SMAD5: variants seen among roughly 807,000 people sequenced by gnomAD.
The protein encoded by SMAD5 is SMAD family member 5, also known as MAD, mothers against decapentaplegic homolog 5.
Under a neutral mutation model 43.1 loss-of-function variants are expected in SMAD5, and 9 were observed. That is an observed-to-expected ratio of 0.21 (90% CI 0.13 to 0.36). SMAD5 has a LOEUF of 0.36. Ranked by LOEUF, SMAD5 falls within the 10% of genes least tolerant of loss-of-function variation. The pLI is 1.00. For synonymous variants in SMAD5, 190 were observed against 192.4 expected (o/e 0.99, Z 0.10); for missense variants, 348 against 574.0 (o/e 0.61, Z 4.02).
rs1406779737 is a variant in SMAD5 at position 136,172,644 on chromosome 5, A to G, written c.986A>G (p.His329Arg). Residue 329 changes from histidine to arginine, a missense_variant, in exon 6 of 8, where the codon CAT becomes CGT. By Grantham distance (29) the His-to-Arg change is conservative (BLOSUM62 0). Coordinates refer to ENST00000545279, the MANE Select transcript of SMAD5 (RefSeq NM_005903.7). ...RNSTIENTRRHIGKGVHLYYV... is the reference protein window; with the variant it reads ...RNSTIENTRRRIGKGVHLYYV... ...TCGACAATTGAAAACACTAGGCGAC[A>G]TATTGGAAAAGGTAATCTTGTCATT... 2.5e-6 allele frequency: 4 copies of G among 1,593,696 alleles called. No homozygotes were observed.
intron 5 of SMAD5, among the ~76,000 whole-genome samples, chr5:136,164,396 TA>T (rs1056259386): frequency 1.3e-5 from 2 of 152,208 alleles, no homozygotes; most frequent in Non-Finnish European, 2.9e-5. Context: ...TGCATCCTCC[TA>T]ACACCTGTTA....
rs529449228 is a variant in SMAD5, at chr5:136,168,131, G to A, written c.776-4303G>A. Among the ~76,000 whole-genome samples the A allele has an allele frequency of 5.6e-4, 85 of 152,118 alleles. 1 individual carries two copies. The highest frequency in any genetic ancestry group is 3.8e-4 in the Non-Finnish European group (26 of 68,008). ...GCTGGGATTACCGGTGTGAGCCACC[G>A]CACCCAGCCATATTCCTGCCTTTTT... On this transcript the variant is annotated intron_variant, in intron 5 of 7. Coordinates refer to ENST00000545279, the MANE Select transcript of SMAD5 (RefSeq NM_005903.7).
chr5:136,150,258 C>T (rs1753410349), intron 2 of SMAD5, among the ~76,000 whole-genome samples: 1 of 151,688 alleles, frequency 6.6e-6, no homozygotes, highest in South Asian at 2.1e-4. Context: ...TGGAGTTTAC[C>T]ACCATTTCTA....
rs762275159 is a variant in SMAD5 at position 136,160,967 on chromosome 5, C to G, written c.515C>G (p.Thr172Arg). ...HNEPHMPQNA[T>R]FPDSFHQPNN... ...GAACCACACATGCCACAAAATGCCA[C>G]GTTTCCAGATTCTTTCCACCAGCCC... Residue 172 changes from threonine (T) to arginine (R), a missense_variant, in exon 4 of 8, where the codon ACG becomes AGG. Transcript: ENST00000545279. 12 of 1,613,816 alleles carry G rather than the reference C, an allele frequency of 7.4e-6. No homozygotes were observed. The South Asian group carries it at 7.7e-5, about 10-fold the overall frequency.
rs1754604913 is a variant in SMAD5, at chr5:136,180,939, TC to T, written c.*3461del. 1 of 152,164 alleles carries T rather than the reference TC, an allele frequency of 6.6e-6. No homozygotes were observed. The highest frequency in any genetic ancestry group is 2.1e-4 in the South Asian group (1 of 4,832). 9.4% of individuals were successfully genotyped at this position (152,164 alleles called of 1,614,324 possible). On this transcript the variant is annotated 3_prime_UTR_variant, in exon 8 of 8. Coordinates refer to ENST00000545279, the MANE Select transcript of SMAD5 (RefSeq NM_005903.7). The stretch of plus-strand genomic sequence containing the variant: ...GAACTGGGGTTCATGTTAAAAACCT[TC>T]CATATTACCTGAGGGTACCTGTGGG...
intron 4 of SMAD5, among the ~76,000 whole-genome samples, chr5:136,162,042 T>G (rs1488951482): frequency 6.6e-6 from 1 of 152,196 alleles, no homozygotes. Flanking sequence ...AAAACAAGAC[T>G]GTTATTTACT....
intron 1 of SMAD5, among the ~76,000 whole-genome samples, chr5:136,137,838 A>G (rs1264493804): frequency 6.6e-6 from 1 of 152,218 alleles, no homozygotes; most frequent in Non-Finnish European, 1.5e-5. Flanking sequence ...TCTACTAAGC[A>G]GGGAACTTGA....
chr5:136,156,881 A>G (rs1198481833), intron 3 of SMAD5, among the ~76,000 whole-genome samples: 1 of 152,232 alleles, frequency 6.6e-6, no homozygotes, highest in Non-Finnish European at 1.5e-5. Flanking sequence ...AAGAGACTAT[A>G]GAGACCTCAT....
intron 4 of SMAD5, among the ~76,000 whole-genome samples, chr5:136,161,621 G>A (rs998536174): frequency 1.3e-5 from 2 of 152,186 alleles, no homozygotes; most frequent in Non-Finnish European, 2.9e-5. Context: ...AAGTTAAAAT[G>A]AATCCTGGTT....
intron 5 of SMAD5, among the ~76,000 whole-genome samples, chr5:136,171,034 A>C (rs1005901786): frequency 3.9e-5 from 6 of 152,120 alleles, no homozygotes; most frequent in African/African-American, 1.4e-4. Context: ...CTCCTTTCCT[A>C]TCTGTGTACC....
intron 1 of SMAD5, among the ~76,000 whole-genome samples, chr5:136,135,640 A>G (rs577220551): frequency 6.6e-6 from 1 of 152,298 alleles, no homozygotes; most frequent in South Asian, 2.1e-4. Flanking sequence ...TTTTAATATT[A>G]CTAGTACTTT....
rs1373426481 is a variant in SMAD5 at position 136,179,170 on chromosome 5, C to T, written c.*1690C>T. 1 of 152,358 alleles carries T rather than the reference C, an allele frequency of 6.6e-6. No homozygotes were observed. Among genetic ancestry groups the T allele is most frequent in the Non-Finnish European group, 1.5e-5 (1 of 68,024 alleles). The allele number at this position is 152,358 out of a possible 1,614,324, so 9.4% of individuals were successfully genotyped here. On this transcript the variant is annotated 3_prime_UTR_variant, in exon 8 of 8. Transcript: ENST00000545279. The stretch of plus-strand genomic sequence containing the variant: ...TTATGTGGAAGCTAGTCTCCCAAAA[C>T]ACAATCTTTAGAGAGAAAAGACATG...
chr5:136,172,711 A>G (rs527501311), intron 6 of SMAD5, 56 bp downstream of exon 6: 3 of 1,190,300 alleles, frequency 2.5e-6, no homozygotes, highest in Non-Finnish European at 3.8e-6. Context: ...TGTACTTGCC[A>G]TGAACCATGC....
In SMAD5 at chr5:136,182,530, G is replaced by T. The variant is rs1211436267; in HGVS notation, c.*5050G>T. 6.6e-6 allele frequency: 1 copy of T among 152,584 alleles called. No individual in the cohort carries two copies. The highest frequency in any genetic ancestry group is 2.4e-5 in the African/African-American group (1 of 41,440). 9.5% of individuals were successfully genotyped at this position (152,584 alleles called of 1,614,324 possible). On this transcript the variant is annotated 3_prime_UTR_variant, in exon 8 of 8. Coordinates refer to ENST00000545279, the MANE Select transcript of SMAD5 (RefSeq NM_005903.7). ...GACCAAGCTAGTGGCTGCACTGTAG[G>T]TCTGCTGCTTATTTGTATTTGTTGT... is the stretch of plus-strand genomic sequence containing the variant.
Position 136,172,009 on chromosome 5 carries a change from C to T in SMAD5, c.776-425C>T, listed in dbSNP as rs184124751. Among the ~76,000 whole-genome samples, 25 of 152,270 alleles carry T rather than the reference C, an allele frequency of 1.6e-4. 1 individual carries two copies. In the Middle Eastern group the frequency reaches 0.017, roughly 104 times the overall value. The stretch of plus-strand genomic sequence containing the variant: ...AAAGAAACAGATCTTTCTCTAAGAG[C>T]ATGCACTGAGGAGGGGCCATATGAG... On this transcript the variant is annotated intron_variant, in intron 5 of 7. Coordinates refer to ENST00000545279, the MANE Select transcript of SMAD5 (RefSeq NM_005903.7).
Position 136,174,668 on chromosome 5 carries a change from T to A in SMAD5, c.1254+36T>A, listed in dbSNP as rs751807221. On this transcript the variant is annotated intron_variant, in intron 7 of 7. Transcript: ENST00000545279. Reference sequence around the variant, plus strand: ...ACCTCTAACATAATTTGAGTCACTATAAATGTGTATATTATGACTTTAGGT... The same window carrying A: ...ACCTCTAACATAATTTGAGTCACTAAAAATGTGTATATTATGACTTTAGGT... The A allele has an allele frequency of 3.3e-5, 48 of 1,454,466 alleles. 1 individual carries two copies. The Middle Eastern group carries it at 7.1e-4, about 21-fold the overall frequency. The allele number at this position is 1,454,466 out of a possible 1,614,324, so 90.1% of individuals were successfully genotyped here. A position where few individuals can be genotyped will look rare whatever the true frequency, so the allele number is the denominator to read the frequency against.
intron 5 of SMAD5, 27 bp downstream of exon 5, chr5:136,163,418 T>G (rs774522119): frequency 1.3e-6 from 2 of 1,553,528 alleles, no homozygotes; most frequent in Non-Finnish European, 1.7e-6. Context: ...CTTCATTTAT[T>G]TTATAGTAGT....
intron 5 of SMAD5, among the ~76,000 whole-genome samples, chr5:136,164,898 A>T (rs1753945522): frequency 1.3e-5 from 2 of 152,194 alleles, no homozygotes; most frequent in South Asian, 2.1e-4. Flanking sequence ...TGTATGTGGT[A>T]TATGGTAAAT....
chr5:136,181,885 T>C lies in SMAD5; in HGVS notation c.*4405T>C, dbSNP rs371627493. The C allele has an allele frequency of 2.4e-4, 36 of 152,336 alleles. No individual in the cohort carries two copies. The highest frequency in any genetic ancestry group is 8.2e-4 in the African/African-American group (34 of 41,592). 9.4% of individuals were successfully genotyped at this position (152,336 alleles called of 1,614,324 possible). A position where few individuals can be genotyped will look rare whatever the true frequency, so the allele number is the denominator to read the frequency against. ...TCACACATCAATTTTTATTTCTGTT[T>C]TGAAGAGCACATGCTATATAATAAT... is the stretch of plus-strand genomic sequence containing the variant. On this transcript the variant is annotated 3_prime_UTR_variant, in exon 8 of 8. Coordinates refer to ENST00000545279, the MANE Select transcript of SMAD5 (RefSeq NM_005903.7).
Sources: allele counts gnomAD v4.1 joint callset (sites outside exome capture counted in the v4.1 genomes callset), GRCh38; gene constraint gnomAD v4.1.1; transcripts MANE v1.5; gene names NCBI Gene and HGNC (gene_info 2026-07-23, HGNC 2026-07-21).